Variants in AGBL3 observed in about 807,000 individuals in gnomAD.
AGBL3 encodes the protein AGBL carboxypeptidase 3.
AGBL3 carries 68 observed loss-of-function variants against 94.5 expected under a neutral mutation model. The observed-to-expected ratio is 0.72, with a 90% CI of 0.59 to 0.88. AGBL3 has a LOEUF of 0.88. Among genes scored for constraint, AGBL3 ranks in the 40% least tolerant of loss-of-function variants. The probability of loss-of-function intolerance (pLI) is 0.00; values close to 1 mark genes in which losing one functional copy is unlikely to be tolerated. For synonymous variants in AGBL3, 354 were observed against 370.7 expected (o/e 0.95, Z 0.52); for missense variants, 934 against 1,103.8 (o/e 0.85, Z 2.18).
chr7:135,070,671 G>T (rs1206890358), intron 12 of AGBL3, among the ~76,000 whole-genome samples: 2 of 151,636 alleles, frequency 1.3e-5, no homozygotes, highest in African/African-American at 4.9e-5. Flanking sequence ...GACAAAATTC[G>T]ACAATGCTTC....
intron 7 of AGBL3, among the ~76,000 whole-genome samples, chr7:135,036,134 C>T (rs1223391817): frequency 6.6e-6 from 1 of 151,852 alleles, no homozygotes; most frequent in African/African-American, 2.4e-5. Context: ...AATACTATTG[C>T]TAACATTTTG....
At chr7:135,040,217 T>A (rs930002336) in intron 8 of AGBL3, among the ~76,000 whole-genome samples, 1 of 152,032 alleles carries the variant, frequency 6.6e-6, no homozygotes, top group South Asian at 2.1e-4. Flanking sequence ...AGAAAACAAA[T>A]ATCAAGATCC....
chr7:135,014,150 C>G (rs1813477909), intron 4 of AGBL3, among the ~76,000 whole-genome samples: 1 of 130,798 alleles, frequency 7.6e-6, no homozygotes, highest in South Asian at 2.5e-4. Context: ...GAGCTGAGAT[C>G]ATGCCACTGC....
intron 12 of AGBL3, among the ~76,000 whole-genome samples, chr7:135,060,884 C>T (rs182621032): frequency 2.1e-4 from 32 of 152,170 alleles, no homozygotes; most frequent in Non-Finnish European, 4.3e-4. Context: ...CTTTGACATA[C>T]TGACTTCCTT....
At chr7:135,131,829 T>G (rs1383181509) in intron 16 of AGBL3, among the ~76,000 whole-genome samples, 1 of 151,938 alleles carries the variant, frequency 6.6e-6, no homozygotes, top group Non-Finnish European at 1.5e-5. Flanking sequence ...AAAAAAGACA[T>G]AAATTACTAA....
intron 16 of AGBL3, among the ~76,000 whole-genome samples, chr7:135,126,946 G>T (rs1056785888): frequency 2.0e-5 from 3 of 152,130 alleles, no homozygotes; most frequent in Non-Finnish European, 4.4e-5. Context: ...TACCATTCAG[G>T]ACATAGGCAT....
chr7:135,045,848 T>C lies in AGBL3; in HGVS notation c.1778T>C (p.Leu593Pro). ...ELEEMERHIT[L>P]EKVFEDSDTP... ...GAAGAAATGGAAAGACATATAACCC[T>C]GGAAAAAGTCTTTGAGGATTCAGAC... The change falls in exon 11 of 17, where the codon CTG (leucine) becomes CCG (proline). Residue 593 changes from leucine (L) to proline (P), a missense_variant. Around this residue, in one of 3 missense-constraint regions of AGBL3, gnomAD observed 441 missense variants for 518.2 expected, o/e 0.85. Transcript: ENST00000436302. The C allele has an allele frequency of 6.4e-7, 1 of 1,550,894 alleles. No individual in the cohort carries two copies. The highest frequency in any genetic ancestry group is 8.7e-7 in the Non-Finnish European group (1 of 1,146,404).
At chr7:135,001,978 G>A (rs1274556522) in intron 4 of AGBL3, among the ~76,000 whole-genome samples, 1 of 152,168 alleles carries the variant, frequency 6.6e-6, no homozygotes, top group Non-Finnish European at 1.5e-5. Flanking sequence ...TTGCAACACA[G>A]CTGCTACTTC....
At chr7:135,018,823 T>G (rs1248396638) in intron 5 of AGBL3, among the ~76,000 whole-genome samples, 1 of 152,226 alleles carries the variant, frequency 6.6e-6, no homozygotes, top group Non-Finnish European at 1.5e-5. Context: ...GAGACATGGT[T>G]AGTTTTTATT....
chr7:135,029,825 C>G (rs1328224802), intron 5 of AGBL3, among the ~76,000 whole-genome samples: 1 of 151,970 alleles, frequency 6.6e-6, no homozygotes, highest in Non-Finnish European at 1.5e-5. Flanking sequence ...CACATGGAGG[C>G]CATTGTAGGA....
chr7:135,017,079 T>C lies in AGBL3; in HGVS notation c.338T>C (p.Val113Ala). The C allele has an allele frequency of 6.5e-7, 1 of 1,549,962 alleles. No homozygotes were observed. Among genetic ancestry groups the C allele is most frequent in the Non-Finnish European group, 8.7e-7 (1 of 1,145,186 alleles). ...IDWTPSCPEP[V>A]YIPTGLETEP... ...TGGACTCCTTCTTGTCCTGAGCCAG[T>C]GTATATCCCAACGGGCTTAGAAACG... Residue 113 changes from valine (V) to alanine (A), a missense_variant, in exon 5 of 17, where the codon GTG becomes GCG. Val to Ala is a moderately conservative substitution (Grantham distance 64). This residue lies in a region of AGBL3 where 488 missense variants were observed against 563.6 expected (regional missense o/e 0.87). Transcript: ENST00000436302.
At position 135,032,784 on chromosome 7, in the gene AGBL3, A is replaced by G. The variant is rs910853527; in HGVS notation, c.419-60A>G. 6 of 1,445,050 alleles carry G rather than the reference A, an allele frequency of 4.2e-6. No individual in the cohort carries two copies. In the African/African-American group the frequency reaches 8.7e-5, roughly 21 times the overall value. The allele number at this position is 1,445,050 out of a possible 1,614,324, so 89.5% of individuals were successfully genotyped here. A position where few individuals can be genotyped will look rare whatever the true frequency, so the allele number is the denominator to read the frequency against. On this transcript the variant is annotated intron_variant, in intron 5 of 16. Transcript: ENST00000436302. ...TGTACTATTGCTCCAAACTCTGTGC[A>G]GAATAACCTTCTTACTTTAGGTATA...
At chr7:135,071,716 A>G (rs2116787526) in intron 12 of AGBL3, among the ~76,000 whole-genome samples, 1 of 152,392 alleles carries the variant, frequency 6.6e-6, no homozygotes, top group East Asian at 1.9e-4. Context: ...CATATGTAGA[A>G]AGCTGAAACT....
intron 16 of AGBL3, 83 bp downstream of exon 16, chr7:135,115,694 G>A (rs1826220868): frequency 1.0e-5 from 12 of 1,159,668 alleles, no homozygotes; most frequent in Middle Eastern, 2.7e-4. Flanking sequence ...ATTATCCTAC[G>A]AAAAAAAAAT....
intron 3 of AGBL3, among the ~76,000 whole-genome samples, chr7:134,990,581 C>A (rs1810114252): frequency 6.6e-6 from 1 of 152,166 alleles, no homozygotes; most frequent in South Asian, 2.1e-4. Context: ...CTTGTGTGAA[C>A]ATGTTTTTGT....
At chr7:135,117,979 TA>T (rs1008735059) in intron 16 of AGBL3, among the ~76,000 whole-genome samples, 25 of 152,330 alleles carry the variant, frequency 1.6e-4, no homozygotes, top group African/African-American at 5.1e-4. Context: ...AAATTTGAGC[TA>T]AGGGAAGTAA....
chr7:135,110,899 A>G (rs1191229993), intron 15 of AGBL3, among the ~76,000 whole-genome samples: 1 of 152,172 alleles, frequency 6.6e-6, no homozygotes, highest in African/African-American at 2.4e-5. Flanking sequence ...CTCTGCCCCT[A>G]TCTTAGATTA....
intron 2 of AGBL3, chr7:134,988,254 T>G: frequency 3.2e-6 from 1 of 317,342 alleles, no homozygotes; most frequent in Non-Finnish European, 5.8e-6. Flanking sequence ...TATTAAAATT[T>G]GTATATGAAA....
intron 15 of AGBL3, among the ~76,000 whole-genome samples, chr7:135,099,132 T>C (rs182028525): frequency 1.1e-3 from 167 of 152,206 alleles, no homozygotes; most frequent in African/African-American, 3.9e-3. Flanking sequence ...AATATGTGTA[T>C]GTAATTATTA....
Sources: allele counts gnomAD v4.1 joint callset (sites outside exome capture counted in the v4.1 genomes callset), GRCh38; gene constraint gnomAD v4.1.1; regional missense constraint gnomAD v4.1.1; transcripts MANE v1.5; gene names NCBI Gene and HGNC (gene_info 2026-07-23, HGNC 2026-07-21).